SLC3A1: variants seen among roughly 807,000 people sequenced by gnomAD.
SLC3A1 encodes amino acid transporter heavy chain SLC3A1.
Under a neutral mutation model 60.3 loss-of-function variants are expected in SLC3A1, and 78 were observed. The observed-to-expected ratio is 1.29, with a 90% CI of 1.08 to 1.56. The LOEUF is 1.56. Ranked by LOEUF, SLC3A1 falls within the 40% of genes most tolerant of loss-of-function variation. The pLI is 0.00. For missense variants in SLC3A1, 1,172 were observed against 858.9 expected (o/e 1.36, Z -4.56); for synonymous variants, 392 against 307.9 (o/e 1.27, Z -2.86).
chr2:44,307,098 C>T (rs571342754), intron 7 of SLC3A1, among the ~76,000 whole-genome samples: 6 of 152,112 alleles, frequency 3.9e-5, no homozygotes, highest in East Asian at 1.9e-4. Flanking sequence ...TGGAGCTATA[C>T]GATATGGGAC....
intron 9 of SLC3A1, chr2:44,314,937 T>TC (rs1226877674): frequency 6.4e-5 from 9 of 140,618 alleles, no homozygotes; most frequent in African/African-American, 2.3e-4. Flanking sequence ...TTTTTTTTTT[T>TC]TTTTTTTTTT....
chr2:44,313,826 T>C lies in SLC3A1; in HGVS notation c.1501-9T>C, dbSNP rs377412223. 8 of 1,606,004 alleles carry C rather than the reference T, an allele frequency of 5.0e-6. No homozygotes were observed. The highest frequency in any genetic ancestry group is 4.0e-5 in the African/African-American group (3 of 74,924). On this transcript the variant is annotated splice_polypyrimidine_tract_variant and intron_variant, in intron 8 of 9. Transcript: ENST00000260649. Reference sequence around the variant, plus strand: ...ACCACTGTTTTCCCTTTCTGGTCTTTTGACATAGAATACCCTTCGCTCAAA... The same window carrying C: ...ACCACTGTTTTCCCTTTCTGGTCTTCTGACATAGAATACCCTTCGCTCAAA...
Position 44,280,729 on chromosome 2 carries a change from ACTGGAC to A in SLC3A1, c.445_450del (p.Leu149_Asp150del). The A allele has an allele frequency of 6.2e-7, 1 of 1,608,924 alleles. No homozygotes were observed. Among genetic ancestry groups the A allele is most frequent in the African/African-American group, 1.3e-5 (1 of 74,948 alleles). On this transcript the variant is annotated inframe_deletion, in exon 2 of 10. Transcript: ENST00000260649. ...TTTTTTCTTCAGGTATTCAAGATAA[ACTGGAC>A]TACATCACAGCTTTAAATATAAAAA...
At chr2:44,313,735 G>A in intron 8 of SLC3A1, 100 bp from the exon 9 acceptor site, 2 of 999,032 alleles carry the variant, frequency 2.0e-6, no homozygotes, top group East Asian at 4.8e-5. Context: ...CACTAGCTAA[G>A]AACTATGGGG....
Position 44,301,249 on chromosome 2 carries a change from T to C in SLC3A1, c.1136+122T>C, listed in dbSNP as rs1401751185. On this transcript the variant is annotated intron_variant, in intron 6 of 9. Transcript: ENST00000260649. ...ATGTAACAAGCCTGCATAACTCTAA[T>C]TGATTACAGTTTGGTTGTACCAGGG... is the stretch of plus-strand genomic sequence containing the variant. The C allele has an allele frequency of 7.8e-6, 10 of 1,287,330 alleles. No individual in the cohort carries two copies. The Admixed American group carries it at 1.6e-4, about 20-fold the overall frequency. 79.7% of individuals were successfully genotyped at this position (1,287,330 alleles called of 1,614,324 possible).
intron 6 of SLC3A1, 81 bp downstream of exon 6, chr2:44,301,208 G>T: frequency 6.4e-7 from 1 of 1,552,410 alleles, no homozygotes; most frequent in Non-Finnish European, 8.9e-7. Flanking sequence ...AAGTGTATTT[G>T]GAGGTTCAAG....
chr2:44,303,349 T>A (rs1672066287), intron 6 of SLC3A1, among the ~76,000 whole-genome samples: 1 of 150,668 alleles, frequency 6.6e-6, no homozygotes, highest in Non-Finnish European at 1.5e-5. Context: ...ATTCAAGTGA[T>A]TCTCCTGCCT....
chr2:44,281,594 A>G, intron 3 of SLC3A1, 53 bp downstream of exon 3: 1 of 1,536,958 alleles, frequency 6.5e-7, no homozygotes, highest in Admixed American at 1.7e-5. Flanking sequence ...ATATGTAGTG[A>G]TTGAACTGAT....
intron 4 of SLC3A1, among the ~76,000 whole-genome samples, chr2:44,293,755 G>C (rs1025426737): frequency 1.2e-4 from 18 of 152,130 alleles, no homozygotes; most frequent in African/African-American, 4.8e-5. Context: ...AAAAATCCAA[G>C]GGAGCCAGGC....
At chr2:44,291,813 A>G (rs1477825585) in intron 4 of SLC3A1, among the ~76,000 whole-genome samples, 2 of 152,084 alleles carry the variant, frequency 1.3e-5, no homozygotes, top group Admixed American at 6.6e-5. Context: ...ATTTTGCTTT[A>G]TCTGCACAGT....
chr2:44,276,397 A>T (rs1482983591), intron 1 of SLC3A1, among the ~76,000 whole-genome samples: 1 of 152,202 alleles, frequency 6.6e-6, no homozygotes, highest in African/African-American at 2.4e-5. Context: ...TAGTGAATAA[A>T]GCATAAATAA....
At chr2:44,276,085 C>T in intron 1 of SLC3A1, 120 bp downstream of exon 1, 1 of 864,752 alleles carries the variant, frequency 1.2e-6, no homozygotes, top group Non-Finnish European at 1.9e-6. Context: ...TATGACTGGT[C>T]ATGCCAAGTT....
At chr2:44,297,989 T>C (rs1357128030) in intron 4 of SLC3A1, among the ~76,000 whole-genome samples, 1 of 152,208 alleles carries the variant, frequency 6.6e-6, no homozygotes, top group Admixed American at 6.5e-5. Flanking sequence ...GGATAGACCA[T>C]TGGGTTGTTT....
chr2:44,308,798 T>G (rs1672219654), intron 7 of SLC3A1, among the ~76,000 whole-genome samples: 2 of 152,012 alleles, frequency 1.3e-5, no homozygotes, highest in African/African-American at 4.8e-5. Context: ...AGTGGTGTGA[T>G]CTCAGCTCAT....
rs780287128 is a variant in SLC3A1 at position 44,281,560 on chromosome 2, G to A, written c.765+19G>A. 36 of 1,612,948 alleles carry A rather than the reference G, an allele frequency of 2.2e-5. No homozygotes were observed. Among genetic ancestry groups the A allele is most frequent in the Non-Finnish European group, 3.1e-5 (36 of 1,179,114 alleles). The stretch of plus-strand genomic sequence containing the variant: ...CAACTGGGTAAGTATCAACCTGTCT[G>A]ACTTACAAAGGGGTAAAAGGCAGAT... On this transcript the variant is annotated intron_variant, in intron 3 of 9. Transcript: ENST00000260649.
At chr2:44,313,361 G>C (rs1050963263) in intron 8 of SLC3A1, among the ~76,000 whole-genome samples, 2 of 152,118 alleles carry the variant, frequency 1.3e-5, no homozygotes, top group East Asian at 1.9e-4. Context: ...CCTAATATTT[G>C]ATTAAGGTGA....
intron 1 of SLC3A1, among the ~76,000 whole-genome samples, chr2:44,278,411 G>C (rs1558452062): frequency 6.6e-6 from 1 of 151,956 alleles, no homozygotes; most frequent in Non-Finnish European, 1.5e-5. Context: ...TCGCACCACT[G>C]CACTCCAGCC....
At chr2:44,303,597 ATACTT>A (rs1672073576) in intron 6 of SLC3A1, among the ~76,000 whole-genome samples, 1 of 151,512 alleles carries the variant, frequency 6.6e-6, no homozygotes, top group African/African-American at 2.4e-5. Context: ...TTTTATTATT[ATACTT>A]TTAGTTCTGG....
At chr2:44,314,016 C>T (rs746078943) in intron 9 of SLC3A1, 65 bp downstream of exon 9, 10 of 1,607,896 alleles carry the variant, frequency 6.2e-6, no homozygotes, top group Non-Finnish European at 8.5e-6. Context: ...ACTGAAAGTA[C>T]ACACTCACCC....
Sources: gnomAD v4.1 joint callset for allele counts (sites outside exome capture counted in the v4.1 genomes callset) on GRCh38, gnomAD v4.1.1 for gene constraint, MANE v1.5 for transcripts, NCBI Gene and HGNC (gene_info 2026-07-23, HGNC 2026-07-21) for gene names.